Variants in ATG10 observed in about 807,000 individuals in gnomAD.
The protein encoded by ATG10 is autophagy related 10.
A neutral mutation model predicts 32.1 loss-of-function variants in ATG10; 30 were observed. The observed-to-expected ratio is 0.94, with a 90% CI of 0.70 to 1.27. The LOEUF is 1.27. Ranked by LOEUF, ATG10 falls within the 50% of genes most tolerant of loss-of-function variation. The pLI, the probability that ATG10 is intolerant of heterozygous loss-of-function variation, is 0.00. For synonymous variants in ATG10, 87 were observed against 91.5 expected (o/e 0.95, Z 0.28); for missense variants, 233 against 262.3 (o/e 0.89, Z 0.77).
At chr5:82,146,319 T>C in intron 3 of ATG10, among the ~76,000 whole-genome samples, 1 of 152,234 alleles carries the variant, frequency 6.6e-6, no homozygotes, top group East Asian at 1.9e-4. Context: ...CTATATTTAA[T>C]ATATTGTTTT....
intron 5 of ATG10, among the ~76,000 whole-genome samples, chr5:82,197,351 A>G (rs1016490042): frequency 2.0e-5 from 3 of 152,108 alleles, no homozygotes; most frequent in Admixed American, 1.3e-4. Context: ...TTGATTTTTG[A>G]TGACAGAGAG....
chr5:82,199,387 T>C (rs902827494), intron 5 of ATG10, among the ~76,000 whole-genome samples: 6 of 152,150 alleles, frequency 3.9e-5, no homozygotes, highest in African/African-American at 1.4e-4. Flanking sequence ...AAATTTTCTT[T>C]TTAATAAATT....
intron 5 of ATG10, among the ~76,000 whole-genome samples, chr5:82,216,706 C>T (rs1453208452): frequency 6.6e-6 from 1 of 152,144 alleles, no homozygotes; most frequent in Non-Finnish European, 1.5e-5. Flanking sequence ...ACCAATAAAA[C>T]TCATGCTATT....
intron 5 of ATG10, among the ~76,000 whole-genome samples, chr5:82,248,468 A>C (rs1026322708): frequency 1.3e-5 from 2 of 152,090 alleles, no homozygotes; most frequent in South Asian, 2.1e-4. Flanking sequence ...GAAGAGGAGG[A>C]GGGGATATGG....
chr5:82,034,770 C>T (rs932508389), intron 2 of ATG10, among the ~76,000 whole-genome samples: 1 of 152,128 alleles, frequency 6.6e-6, no homozygotes, highest in Non-Finnish European at 1.5e-5. Flanking sequence ...AGCTTTATGA[C>T]TTGCCCCCTT....
rs571142441 is a variant in ATG10 at position 82,041,887 on chromosome 5, A to G, written c.109-16608A>G. 1.4e-4 allele frequency among the ~76,000 whole-genome samples: 22 copies of G among 151,916 alleles called. No individual in the cohort carries two copies. In the South Asian group the frequency reaches 4.0e-3, roughly 27 times the overall value. On this transcript the variant is annotated intron_variant, in intron 2 of 7. Coordinates refer to ENST00000282185, the MANE Select transcript of ATG10 (RefSeq NM_031482.5). ...CTTCTGCAGTCCCTAATCTCCTGTT[A>G]ATTATATCCAGTATATTTTTCAGTT...
At chr5:81,983,533 C>T (rs922855391) in intron 1 of ATG10, among the ~76,000 whole-genome samples, 7 of 148,408 alleles carry the variant, frequency 4.7e-5, no homozygotes, top group Admixed American at 1.3e-4. Context: ...ACCTCCCTCC[C>T]GGATGGGGCC....
intron 7 of ATG10, 54 bp downstream of exon 7, chr5:82,253,483 A>G (rs1250671623): frequency 1.6e-6 from 2 of 1,227,850 alleles, no homozygotes; most frequent in African/African-American, 1.5e-5. Context: ...CAATGTCTCC[A>G]TTGCATTTAG....
intron 3 of ATG10, among the ~76,000 whole-genome samples, chr5:82,113,569 G>T (rs550919548): frequency 5.3e-5 from 8 of 151,762 alleles, no homozygotes; most frequent in Admixed American, 2.6e-4. Flanking sequence ...ACTTATTCTC[G>T]CTTGGGAGCT....
At chr5:82,032,631 C>T (rs958262688) in intron 2 of ATG10, among the ~76,000 whole-genome samples, 7 of 151,876 alleles carry the variant, frequency 4.6e-5, no homozygotes, top group Non-Finnish European at 7.4e-5. Context: ...ATCTTTCTGT[C>T]ACCTTTCACC....
At chr5:82,114,817 C>T (rs956839651) in intron 3 of ATG10, among the ~76,000 whole-genome samples, 3 of 151,994 alleles carry the variant, frequency 2.0e-5, no homozygotes, top group Non-Finnish European at 4.4e-5. Context: ...TCTAAGACAG[C>T]ATTAGCCAAT....
At chr5:82,081,827 G>T (rs920512520) in intron 3 of ATG10, among the ~76,000 whole-genome samples, 11 of 151,950 alleles carry the variant, frequency 7.2e-5, no homozygotes, top group African/African-American at 2.4e-4. Context: ...CTCTTTTTTT[G>T]TTGTGTCTCT....
chr5:82,081,519 T>G (rs1256823384), intron 3 of ATG10, among the ~76,000 whole-genome samples: 1 of 152,210 alleles, frequency 6.6e-6, no homozygotes, highest in Non-Finnish European at 1.5e-5. Context: ...TCTTATTATT[T>G]TGCAATATGT....
intron 3 of ATG10, among the ~76,000 whole-genome samples, chr5:82,145,012 T>G (rs1044002298): frequency 1.3e-5 from 2 of 151,948 alleles, no homozygotes; most frequent in African/African-American, 4.8e-5. Context: ...TTTGAAAAAA[T>G]TGCCTCTTTT....
intron 5 of ATG10, among the ~76,000 whole-genome samples, chr5:82,193,945 G>A (rs1245504799): frequency 1.3e-5 from 2 of 152,192 alleles, no homozygotes; most frequent in East Asian, 3.9e-4. Flanking sequence ...CTTTACACAA[G>A]TTTGGTGAAA....
At chr5:82,190,773 CAAAAAAAAAA>C (rs35513819) in intron 5 of ATG10, among the ~76,000 whole-genome samples, 24 of 53,678 alleles carry the variant, frequency 4.5e-4, no homozygotes, top group African/African-American at 1.6e-3. Context: ...GACTCCATCT[CAAAAAAAAAA>C]AAAAAAAAAA....
chr5:82,183,140 T>A (rs1249256219), intron 5 of ATG10, among the ~76,000 whole-genome samples: 2 of 152,146 alleles, frequency 1.3e-5, no homozygotes, highest in Non-Finnish European at 2.9e-5. Context: ...ATAACCACAA[T>A]TCTATTATCA....
In ATG10 at chr5:82,233,734, C is replaced by G. The variant is rs543767850; in HGVS notation, c.454-18828C>G. On this transcript the variant is annotated intron_variant, in intron 5 of 7. Transcript: ENST00000282185. The stretch of plus-strand genomic sequence containing the variant: ...TGCCCTCAACTTCCTTACCTGTCAT[C>G]TCTCTGTCCCCAACTTTCTTACTAT... Among the ~76,000 whole-genome samples, 27 of 152,316 alleles carry G rather than the reference C, an allele frequency of 1.8e-4. No individual in the cohort carries two copies. In the South Asian group the frequency reaches 5.4e-3, roughly 30 times the overall value.
chr5:82,049,598 C>G (rs1763342675), intron 2 of ATG10, among the ~76,000 whole-genome samples: 1 of 151,298 alleles, frequency 6.6e-6, no homozygotes, highest in South Asian at 2.1e-4. Flanking sequence ...TACAAGTGAG[C>G]ACAGTTGTGG....
Sources: gnomAD v4.1 joint callset for allele counts (sites outside exome capture counted in the v4.1 genomes callset) on GRCh38, gnomAD v4.1.1 for gene constraint, MANE v1.5 for transcripts, NCBI Gene and HGNC (gene_info 2026-07-23, HGNC 2026-07-21) for gene names.